Variants in CACNA2D3 observed in about 807,000 individuals in gnomAD.
CACNA2D3 encodes the protein voltage-dependent calcium channel subunit alpha-2/delta-3.
CACNA2D3 carries 60 observed loss-of-function variants against 160.6 expected under a neutral mutation model. The ratio of observed to expected loss-of-function variants is 0.37; its 90% confidence interval spans 0.30 to 0.46. The LOEUF (loss-of-function observed/expected upper bound fraction) is 0.46, where lower values mean the gene tolerates loss of function less well. Ranked by LOEUF, CACNA2D3 falls within the 20% of genes least tolerant of loss-of-function variation. The probability of loss-of-function intolerance (pLI) is 1.00; values close to 1 mark genes in which losing one functional copy is unlikely to be tolerated. For missense variants in CACNA2D3, 1,205 were observed against 1,365.0 expected, an observed-to-expected ratio of 0.88 and a Z score of 1.85; for synonymous variants, 558 against 492.9, an observed-to-expected ratio of 1.13 and a Z score of -1.75.
intron 13 of CACNA2D3, among the ~76,000 whole-genome samples, chr3:54,774,886 A>G (rs1702396945): frequency 6.6e-6 from 1 of 151,904 alleles, no homozygotes; most frequent in Non-Finnish European, 1.5e-5. Flanking sequence ...TGCCTGCCTT[A>G]GCCTCCCAAA....
chr3:54,146,760 A>G (rs1700037632), intron 2 of CACNA2D3, among the ~76,000 whole-genome samples: 1 of 152,204 alleles, frequency 6.6e-6, no homozygotes, highest in South Asian at 2.1e-4. Flanking sequence ...TGTCACCGTT[A>G]GGGCCCCTCC....
At chr3:54,150,611 A>C (rs1283496278) in intron 2 of CACNA2D3, among the ~76,000 whole-genome samples, 1 of 152,258 alleles carries the variant, frequency 6.6e-6, no homozygotes, top group Non-Finnish European at 1.5e-5. Context: ...TAATGTCATT[A>C]TTATTTCTCT....
At chr3:54,969,523 G>A (rs1343309203) in intron 28 of CACNA2D3, among the ~76,000 whole-genome samples, 4 of 152,232 alleles carry the variant, frequency 2.6e-5, no homozygotes, top group Non-Finnish European at 4.4e-5. Flanking sequence ...GCCTCCCAAA[G>A]TGCAGGGATT....
chr3:54,998,130 T>TC (rs1365677386), intron 31 of CACNA2D3, among the ~76,000 whole-genome samples: 2 of 149,126 alleles, frequency 1.3e-5, no homozygotes, highest in East Asian at 3.9e-4. Context: ...ATTAATTCTT[T>TC]TTTTTTTTTT....
rs539770218 is a variant in CACNA2D3, at chr3:54,806,121, C to T, written c.1381-10732C>T. On this transcript the variant is annotated intron_variant, in intron 13 of 37. Transcript: ENST00000474759. ...ATACTGAATGGGCAAAAACTGGAAG[C>T]GTTCCCTTTGAAAACTGACACAAGA... Among the ~76,000 whole-genome samples the T allele has an allele frequency of 1.8e-3, 276 of 152,300 alleles. 10 individuals are homozygous for T. In the South Asian group the frequency reaches 0.055, roughly 30 times the overall value.
intron 2 of CACNA2D3, among the ~76,000 whole-genome samples, chr3:54,138,626 G>A (rs1204647150): frequency 1.3e-5 from 2 of 152,178 alleles, no homozygotes; most frequent in African/African-American, 4.8e-5. Flanking sequence ...CCAGGACCTG[G>A]CCCAAGGAGA....
intron 3 of CACNA2D3, among the ~76,000 whole-genome samples, chr3:54,362,505 C>T (rs1367457891): frequency 2.0e-5 from 3 of 152,166 alleles, no homozygotes; most frequent in Non-Finnish European, 2.9e-5. Context: ...GCCCTGCCCA[C>T]ACTCCCGGGA....
rs114818119 is a variant in CACNA2D3, at chr3:54,380,461, G to A, written c.322-6254G>A. On this transcript the variant is annotated intron_variant, in intron 3 of 37. Transcript: ENST00000474759. ...CTTGCCCTTAAAACAAAAGCCAGCC[G>A]GGTGCGGTGGCTCACATCTGTGATC... Among the ~76,000 whole-genome samples, 789 of 152,316 alleles carry A rather than the reference G, an allele frequency of 5.2e-3. 8 individuals carry two copies. Among genetic ancestry groups the A allele is most frequent in the African/African-American group, 0.016 (678 of 41,570 alleles).
chr3:54,124,239 A>C (rs1699542222), intron 2 of CACNA2D3, among the ~76,000 whole-genome samples: 1 of 152,154 alleles, frequency 6.6e-6, no homozygotes, highest in Admixed American at 6.5e-5. Context: ...GAGAATGGAG[A>C]ATTGATTATT....
intron 2 of CACNA2D3, among the ~76,000 whole-genome samples, chr3:54,205,434 A>C (rs1701258548): frequency 6.6e-6 from 1 of 152,222 alleles, no homozygotes; most frequent in Admixed American, 6.5e-5. Context: ...TAAGAAAAGC[A>C]AAGTTGTACA....
chr3:54,918,522 C>T (rs1467701308), intron 27 of CACNA2D3: 8 of 1,613,824 alleles, frequency 5.0e-6, no homozygotes, highest in South Asian at 1.1e-5. Context: ...TGGTTTGAGC[C>T]AAGGGTCCCC....
intron 2 of CACNA2D3, among the ~76,000 whole-genome samples, chr3:54,318,496 G>A (rs541681868): frequency 1.3e-5 from 2 of 152,176 alleles, no homozygotes; most frequent in South Asian, 2.1e-4. Flanking sequence ...GACTCACATG[G>A]TCCAGAAATA....
chr3:54,212,271 G>A (rs7432602), intron 2 of CACNA2D3, among the ~76,000 whole-genome samples: 49,259 of 152,000 alleles, frequency 0.32, 11,085 homozygotes, highest in East Asian at 0.71. Context: ...ACATCAATCA[G>A]TATCTGTAAG....
chr3:54,671,573 A>G (rs1378730025), intron 11 of CACNA2D3, among the ~76,000 whole-genome samples: 1 of 152,146 alleles, frequency 6.6e-6, no homozygotes, highest in African/African-American at 2.4e-5. Flanking sequence ...TCCTATTTAT[A>G]TAACACCTTT....
intron 9 of CACNA2D3, among the ~76,000 whole-genome samples, chr3:54,606,845 C>G (rs888904820): frequency 6.6e-6 from 1 of 152,120 alleles, no homozygotes; most frequent in South Asian, 2.1e-4. Flanking sequence ...CTATAAAAGT[C>G]TAAATTAACA....
intron 10 of CACNA2D3, among the ~76,000 whole-genome samples, chr3:54,631,087 C>A (rs977101145): frequency 3.3e-5 from 5 of 151,886 alleles, no homozygotes; most frequent in Admixed American, 2.0e-4. Flanking sequence ...GCCTGTAATC[C>A]CAGCTATTCG....
At chr3:54,785,837 T>C (rs1438213474) in intron 13 of CACNA2D3, among the ~76,000 whole-genome samples, 1 of 152,184 alleles carries the variant, frequency 6.6e-6, no homozygotes, top group African/African-American at 2.4e-5. Context: ...GATTCCACTC[T>C]CAGTATACAT....
rs1000316433 is a variant in CACNA2D3, at chr3:54,287,744, A to G, written c.205-32698A>G. Among the ~76,000 whole-genome samples the G allele has an allele frequency of 3.6e-4, 53 of 147,012 alleles. 1 individual carries two copies. The highest frequency in any genetic ancestry group is 1.8e-3 in the South Asian group (8 of 4,422). ...AAACTATCTCTCAGACCACAGTGCA[A>G]TGAAACTAGAACTCAGGATTAAGAA... On this transcript the variant is annotated intron_variant, in intron 2 of 37. Coordinates refer to ENST00000474759, the MANE Select transcript of CACNA2D3 (RefSeq NM_018398.3).
At chr3:54,192,333 T>C (rs963890639) in intron 2 of CACNA2D3, among the ~76,000 whole-genome samples, 13 of 152,194 alleles carry the variant, frequency 8.5e-5, no homozygotes, top group Non-Finnish European at 1.9e-4. Flanking sequence ...GGAGCTTGCC[T>C]TTCCTTCTGC....
Sources: allele counts gnomAD v4.1 joint callset (sites outside exome capture counted in the v4.1 genomes callset), GRCh38; gene constraint gnomAD v4.1.1; transcripts MANE v1.5; gene names NCBI Gene and HGNC (gene_info 2026-07-23, HGNC 2026-07-21).